DOCK8: variants seen among roughly 807,000 people sequenced by gnomAD.
DOCK8 encodes the protein dedicator of cytokinesis protein 8.
In DOCK8, 141 loss-of-function variants were observed where a neutral mutation model predicts 245.6. That is an observed-to-expected ratio of 0.57 (90% CI 0.50 to 0.66). The LOEUF is 0.66. Among genes scored for constraint, DOCK8 ranks in the 30% least tolerant of loss-of-function variants. The probability of loss-of-function intolerance (pLI) is 0.00; values close to 1 mark genes in which losing one functional copy is unlikely to be tolerated. For synonymous variants in DOCK8, 1,168 were observed against 970.2 expected (o/e 1.20, Z -3.79); for missense variants, 2,965 against 2,603.4 (o/e 1.14, Z -3.02).
At chr9:338,519 C>G (rs554300041) in intron 12 of DOCK8, among the ~76,000 whole-genome samples, 1 of 152,318 alleles carries the variant, frequency 6.6e-6, no homozygotes, top group East Asian at 1.9e-4. Context: ...GATTGGAGAT[C>G]ATGCATGTGT....
At position 451,969 on chromosome 9, in the gene DOCK8, ATATATATATTTTTTTTTT is replaced by A. The variant is rs1564085348; in HGVS notation, c.5962-40_5962-23del. Reference sequence around the variant, plus strand: ...TGTGTGTGTGTGTATATATATATATATATATATATTTTTTTTTTTTTTTTTTTTTTTTTCCCACCAGGG... The same window carrying A: ...TGTGTGTGTGTGTATATATATATATATTTTTTTTTTTTTTTCCCACCAGGG... On this transcript the variant is annotated intron_variant, in intron 45 of 47. Coordinates refer to ENST00000432829, the MANE Select transcript of DOCK8 (RefSeq NM_203447.4). 83 of 397,162 alleles carry A rather than the reference ATATATATATTTTTTTTTT, an allele frequency of 2.1e-4. No homozygotes were observed. In the African/African-American group the frequency reaches 3.4e-3, roughly 16 times the overall value. 24.6% of individuals were successfully genotyped at this position (397,162 alleles called of 1,614,324 possible).
chr9:311,117 C>G (rs2050088944), intron 5 of DOCK8, among the ~76,000 whole-genome samples: 1 of 152,050 alleles, frequency 6.6e-6, no homozygotes, highest in Admixed American at 6.6e-5. Flanking sequence ...GAAACCCTAT[C>G]TCTACTAAAA....
chr9:252,648 C>T (rs2047676547), intron 1 of DOCK8, among the ~76,000 whole-genome samples: 1 of 151,716 alleles, frequency 6.6e-6, no homozygotes, highest in African/African-American at 2.4e-5. Flanking sequence ...ACTAAAAATA[C>T]AAAAAATTAG....
intron 14 of DOCK8, among the ~76,000 whole-genome samples, chr9:352,372 G>A (rs1049650453): frequency 3.3e-5 from 5 of 152,206 alleles, no homozygotes; most frequent in South Asian, 2.1e-4. Context: ...AACCTCTAAC[G>A]TTTCCTCCCA....
At chr9:340,026 T>A in intron 13 of DOCK8, 133 bp from the exon 14 acceptor site, 1 of 931,740 alleles carries the variant, frequency 1.1e-6, no homozygotes, top group African/African-American at 1.7e-5. Context: ...TGTAGGAAAT[T>A]AGCTCCAAAA....
At chr9:379,645 A>G (rs1232983865) in intron 20 of DOCK8, 126 bp from the exon 21 acceptor site, 5 of 1,040,182 alleles carry the variant, frequency 4.8e-6, no homozygotes, top group Admixed American at 2.0e-5. Context: ...AAAACCATCT[A>G]CCCTTCCCAG....
chr9:420,155 A>G (rs1295892367), intron 30 of DOCK8: 1 of 561,142 alleles, frequency 1.8e-6, no homozygotes, highest in Non-Finnish European at 3.2e-6. Flanking sequence ...TACGTGGCTG[A>G]AAGCCTAGCT....
intron 9 of DOCK8, among the ~76,000 whole-genome samples, chr9:328,752 C>G (rs1395012065): frequency 6.6e-6 from 1 of 151,460 alleles, no homozygotes; most frequent in East Asian, 1.9e-4. Context: ...TACCATGTCA[C>G]AGACTGTCTC....
rs943721536 is a variant in DOCK8 at position 439,386 on chromosome 9, A to G, written c.5221A>G (p.Thr1741Ala). 2.5e-6 allele frequency: 4 copies of G among 1,612,720 alleles called. No individual in the cohort carries two copies. Among genetic ancestry groups the G allele is most frequent in the Non-Finnish European group, 3.4e-6 (4 of 1,179,922 alleles). ...LLEQAAELFS[T>A]GGLYETVNEV... is the part of the protein sequence containing the mutation. Reference sequence around the variant, plus strand: ...GGAGCAGGCCGCGGAGCTCTTCAGCACGGTCAGTGCCCAGAGGGCATCCCG... The same window carrying G: ...GGAGCAGGCCGCGGAGCTCTTCAGCGCGGTCAGTGCCCAGAGGGCATCCCG... Residue 1741 changes from threonine to alanine, a missense_variant and splice_region_variant, in exon 40 of 48, where the codon ACG (threonine) becomes GCG (alanine). Coordinates refer to ENST00000432829, the MANE Select transcript of DOCK8 (RefSeq NM_203447.4).
chr9:300,015 G>A (rs1166086275), intron 4 of DOCK8, among the ~76,000 whole-genome samples: 6 of 84,902 alleles, frequency 7.1e-5, no homozygotes, highest in South Asian at 1.0e-3. Flanking sequence ...GTGAGACTCC[G>A]TCTCAAAAAA....
chr9:368,398 C>G (rs975841523), intron 15 of DOCK8: 1 of 664,368 alleles, frequency 1.5e-6, no homozygotes, highest in South Asian at 1.7e-5. Context: ...TAAAGTCTTT[C>G]CATACTGCCC....
intron 3 of DOCK8, 116 bp downstream of exon 3, chr9:286,752 A>G (rs1350172889): frequency 4.0e-6 from 4 of 995,836 alleles, no homozygotes; most frequent in Non-Finnish European, 4.7e-6. Flanking sequence ...TACTCAATCC[A>G]TTCAAATGTG....
chr9:438,475 T>A (rs1315188614), intron 39 of DOCK8, among the ~76,000 whole-genome samples: 1 of 152,244 alleles, frequency 6.6e-6, no homozygotes, highest in Non-Finnish European at 1.5e-5. Flanking sequence ...AAATGATTCT[T>A]GACCTGTCAC....
intron 14 of DOCK8, among the ~76,000 whole-genome samples, chr9:345,421 C>T (rs1391402364): frequency 6.6e-6 from 1 of 152,154 alleles, no homozygotes; most frequent in Non-Finnish European, 1.5e-5. Context: ...AATTAATGTG[C>T]CCTTAACATA....
intron 2 of DOCK8, among the ~76,000 whole-genome samples, chr9:277,755 A>G (rs962131044): frequency 6.6e-6 from 1 of 152,212 alleles, no homozygotes; most frequent in Non-Finnish European, 1.5e-5. Flanking sequence ...CTCTGACTGA[A>G]GAAAAGGATG....
At chr9:240,653 C>A (rs1337607467) in intron 1 of DOCK8, among the ~76,000 whole-genome samples, 1 of 152,024 alleles carries the variant, frequency 6.6e-6, no homozygotes, top group African/African-American at 2.4e-5. Flanking sequence ...CTATTATATT[C>A]CCTTATTATT....
chr9:403,951 T>C (rs1220820267), intron 26 of DOCK8, among the ~76,000 whole-genome samples: 1,292 of 90,930 alleles, frequency 0.014, 64 homozygotes, highest in African/African-American at 0.074. Flanking sequence ...TATGTGTATA[T>C]ATATATATGT....
At chr9:295,159 TA>T (rs879941352) in intron 4 of DOCK8, among the ~76,000 whole-genome samples, 305 of 141,956 alleles carry the variant, frequency 2.1e-3, no homozygotes, top group Middle Eastern at 7.1e-3. Flanking sequence ...GATTCTGTCT[TA>T]AAAAAAAAAA....
chr9:331,211 C>T (rs1312153876), intron 9 of DOCK8, among the ~76,000 whole-genome samples: 2 of 152,198 alleles, frequency 1.3e-5, no homozygotes, highest in Non-Finnish European at 2.9e-5. Context: ...AGGTACTCAA[C>T]AATAAGTAAA....
Sources: allele counts gnomAD v4.1 joint callset (sites outside exome capture counted in the v4.1 genomes callset), GRCh38; gene constraint gnomAD v4.1.1; transcripts MANE v1.5; gene names NCBI Gene and HGNC (gene_info 2026-07-23, HGNC 2026-07-21).